Variants in TRMT1 observed in about 807,000 individuals in gnomAD.
The protein encoded by TRMT1 is tRNA (guanine(26)-N(2))-dimethyltransferase.
Under a neutral mutation model 75.4 loss-of-function variants are expected in TRMT1, and 63 were observed. The observed-to-expected ratio is 0.84, with a 90% CI of 0.68 to 1.03. The LOEUF (loss-of-function observed/expected upper bound fraction) is 1.03. Among genes scored for constraint, TRMT1 ranks in the 50% least tolerant of loss-of-function variants. TRMT1 has a pLI of 0.00. For synonymous variants in TRMT1, 382 were observed against 358.1 expected, an observed-to-expected ratio of 1.07 and a Z score of -0.75; for missense variants, 870 against 905.3, an observed-to-expected ratio of 0.96 and a Z score of 0.50.
chr19:13,112,325 A>C (rs1163057477), intron 7 of TRMT1, among the ~76,000 whole-genome samples: 1 of 152,176 alleles, frequency 6.6e-6, no homozygotes, highest in Non-Finnish European at 1.5e-5. Context: ...CAGATGCAAA[A>C]AAACCCGAGG....
chr19:13,109,506 G>A (rs751634698), intron 11 of TRMT1, 40 bp from the exon 12 acceptor site: 21 of 1,613,874 alleles, frequency 1.3e-5, no homozygotes, highest in Middle Eastern at 3.3e-4. Flanking sequence ...GGAGATGGAC[G>A]GGCACAGGTG....
At position 13,104,929 on chromosome 19, in the gene TRMT1, A is replaced by T; in HGVS notation, c.*6T>A. ...GGAGAAGGTGACGTGACATCTCTTT[A>T]TTGGTTCAGTCTATGCCTGGCCCAG... On this transcript the variant is annotated 3_prime_UTR_variant, in exon 17 of 17. Transcript: ENST00000357720. 6.2e-7 allele frequency: 1 copy of T among 1,613,876 alleles called. No homozygotes were observed. Among genetic ancestry groups the T allele is most frequent in the South Asian group, 1.1e-5 (1 of 91,090 alleles).
chr19:13,106,677 G>C (rs1348501894), intron 14 of TRMT1, among the ~76,000 whole-genome samples: 2 of 147,798 alleles, frequency 1.4e-5, no homozygotes, highest in Middle Eastern at 3.5e-3. Flanking sequence ...AGTAGAGACA[G>C]GGTTTCGTCA....
In TRMT1 at chr19:13,116,292, C is replaced by G; in HGVS notation, c.108G>C (p.Ala36=). ...WQSPGLPNTA[A]MENGTGPYGE... is the part of the protein sequence containing the mutation. ...CGTAGGGCCCGGTGCCGTTCTCCAT[C>G]GCTGCTGTATTCGGCAGCCCTGGAG... is the stretch of plus-strand genomic sequence containing the variant. The change falls in exon 2 of 17, where the codon GCG becomes GCC. Residue 36 remains alanine, a synonymous_variant. Coordinates refer to ENST00000357720, the MANE Select transcript of TRMT1 (RefSeq NM_001136035.4). 6.2e-7 allele frequency: 1 copy of G among 1,614,104 alleles called. No homozygotes were observed. Among genetic ancestry groups the G allele is most frequent in the Non-Finnish European group, 8.5e-7 (1 of 1,180,042 alleles).
chr19:13,107,696 C>T (rs559223701), intron 13 of TRMT1, 46 bp from the exon 14 acceptor site: 2 of 1,571,634 alleles, frequency 1.3e-6, no homozygotes, highest in East Asian at 4.7e-5. Context: ...CCCAAGGGAC[C>T]TCCAGGTGAC....
chr19:13,109,874 A>G (rs1218568848), intron 9 of TRMT1, 36 bp from the exon 10 acceptor site: 4 of 1,613,916 alleles, frequency 2.5e-6, no homozygotes, highest in Non-Finnish European at 3.4e-6. Flanking sequence ...GGAGGGAGGA[A>G]AACCCTGGGA....
chr19:13,108,443 A>G (rs1483634005), intron 12 of TRMT1, among the ~76,000 whole-genome samples: 1 of 151,614 alleles, frequency 6.6e-6, no homozygotes, highest in Non-Finnish European at 1.5e-5. Context: ...GGGATGTGCC[A>G]TGACGCCTGG....
Position 13,110,325 on chromosome 19 carries a change from T to A in TRMT1, c.871-19A>T. 3 of 780,928 alleles carry A rather than the reference T, an allele frequency of 3.8e-6. No individual in the cohort carries two copies. The highest frequency in any genetic ancestry group is 6.5e-6 in the Non-Finnish European group (3 of 461,528). 48.4% of individuals were successfully genotyped at this position (780,928 alleles called of 1,614,324 possible). A position where few individuals can be genotyped will look rare whatever the true frequency, so the allele number is the denominator to read the frequency against. ...TCAGGGCCTGGGGGTGGGGGGTGGG[T>A]GTCAGCCTCCCCTCCACTATCCACC... On this transcript the variant is annotated intron_variant, in intron 7 of 16. Coordinates refer to ENST00000357720, the MANE Select transcript of TRMT1 (RefSeq NM_001136035.4).
chr19:13,110,080 T>C, intron 8 of TRMT1, 78 bp downstream of exon 8: 2 of 1,609,360 alleles, frequency 1.2e-6, no homozygotes, highest in Non-Finnish European at 1.7e-6. Context: ...GCTCTGTCCC[T>C]TAAGAAGCCC....
At chr19:13,112,274 C>T (rs1190225783) in intron 7 of TRMT1, among the ~76,000 whole-genome samples, 1 of 152,168 alleles carries the variant, frequency 6.6e-6, no homozygotes, top group Non-Finnish European at 1.5e-5. Context: ...CAGGTGTGAG[C>T]CACTGCGCCC....
chr19:13,115,744 G>C lies in TRMT1; in HGVS notation c.335C>G (p.Thr112Arg), dbSNP rs1330337067. ...TGACAAGTCCACGACCACTTTTTGC[G>C]TGTCCTTCTCTCCTGGAACCTTGAC... ...IQIKVPGEKD[T>R]QKVVVDLSEQ... is the part of the protein sequence containing the mutation. The change falls in exon 4 of 17, where the codon ACG becomes AGG. Residue 112 changes from threonine (T) to arginine (R), a missense_variant. Transcript: ENST00000357720. The C allele has an allele frequency of 1.2e-6, 2 of 1,613,752 alleles. No individual in the cohort carries two copies. Among genetic ancestry groups the C allele is most frequent in the Middle Eastern group, 1.6e-4 (1 of 6,084 alleles).
chr19:13,110,323 G>T lies in TRMT1; in HGVS notation c.871-17C>A. The T allele has an allele frequency of 2.4e-5, 18 of 746,192 alleles. No individual in the cohort carries two copies. Among genetic ancestry groups the T allele is most frequent in the South Asian group, 4.4e-5 (3 of 67,490 alleles). 46.2% of individuals were successfully genotyped at this position (746,192 alleles called of 1,614,324 possible). On this transcript the variant is annotated splice_polypyrimidine_tract_variant and intron_variant, in intron 7 of 16. Transcript: ENST00000357720. ...TCTCAGGGCCTGGGGGTGGGGGGTG[G>T]GTGTCAGCCTCCCCTCCACTATCCA...
rs557067978 is a variant in TRMT1 at position 13,116,497 on chromosome 19, C to A, written c.-32-66G>T. On this transcript the variant is annotated intron_variant, in intron 1 of 16. Coordinates refer to ENST00000357720, the MANE Select transcript of TRMT1 (RefSeq NM_001136035.4). ...AGCCGCATTCCGGGCCCGGGGATGT[C>A]CTACATATCTATGAGGTAGGGACTA... is the stretch of plus-strand genomic sequence containing the variant. 6.8e-6 allele frequency: 10 copies of A among 1,480,098 alleles called. No individual in the cohort carries two copies. The Admixed American group carries it at 2.2e-4, about 33-fold the overall frequency. 91.7% of individuals were successfully genotyped at this position (1,480,098 alleles called of 1,614,324 possible). A position where few individuals can be genotyped will look rare whatever the true frequency, so the allele number is the denominator to read the frequency against.
At chr19:13,112,481 T>C (rs1400912569) in intron 7 of TRMT1, among the ~76,000 whole-genome samples, 1 of 152,256 alleles carries the variant, frequency 6.6e-6, no homozygotes, top group Non-Finnish European at 1.5e-5. Flanking sequence ...CATGCACTCC[T>C]GTCCTGGCCA....
intron 14 of TRMT1, 42 bp from the exon 15 acceptor site, chr19:13,105,648 C>CCCACA: frequency 1.3e-6 from 2 of 1,573,224 alleles, no homozygotes; most frequent in Non-Finnish European, 1.7e-6. Context: ...GGGGAAGCTG[C>CCCACA]CACACGAGTG....
At chr19:13,107,550 G>A (rs373923338) in intron 14 of TRMT1, 24 bp downstream of exon 14, 135 of 1,584,072 alleles carry the variant, frequency 8.5e-5, no homozygotes, top group South Asian at 5.0e-4. Context: ...AGCCCTGGCC[G>A]CTCCTGCATG....
chr19:13,111,587 G>T (rs1237359432), intron 7 of TRMT1, among the ~76,000 whole-genome samples: 1 of 144,692 alleles, frequency 6.9e-6, no homozygotes. Flanking sequence ...TAGTAGAGAC[G>T]GGGTTTCACC....
At chr19:13,110,844 G>A (rs757448360) in intron 7 of TRMT1, among the ~76,000 whole-genome samples, 14 of 152,172 alleles carry the variant, frequency 9.2e-5, no homozygotes, top group Non-Finnish European at 1.6e-4. Context: ...CAGCTACTAG[G>A]GAGGCCGAGG....
intron 15 of TRMT1, 42 bp downstream of exon 15, chr19:13,105,445 C>T (rs761535530): frequency 1.9e-6 from 3 of 1,613,932 alleles, no homozygotes; most frequent in East Asian, 2.2e-5. Context: ...TTTACCCCTT[C>T]TTTCCCTGGC....
Sources: gnomAD v4.1 joint callset for allele counts (sites outside exome capture counted in the v4.1 genomes callset) on GRCh38, gnomAD v4.1.1 for gene constraint, MANE v1.5 for transcripts, NCBI Gene and HGNC (gene_info 2026-07-23, HGNC 2026-07-21) for gene names.